Variants in DRD2 observed in about 807,000 individuals in gnomAD.
DRD2 encodes dopamine receptor D2.
Under a neutral mutation model 38.0 loss-of-function variants are expected in DRD2, and 8 were observed. The observed-to-expected ratio is 0.21, with a 90% confidence interval of 0.12 to 0.38. The LOEUF (loss-of-function observed/expected upper bound fraction) is 0.38, where lower values mean the gene tolerates loss of function less well. DRD2 is among the 10% of genes least tolerant of loss of function. DRD2 has a pLI of 1.00. For synonymous variants in DRD2, 230 were observed against 238.6 expected, an observed-to-expected ratio of 0.96 and a Z score of 0.33; for missense variants, 403 against 607.7, an observed-to-expected ratio of 0.66 and a Z score of 3.54.
rs574110983 is a variant in DRD2 at position 113,472,208 on chromosome 11, G to A, written c.-32+2868C>T. 1.5e-3 allele frequency among the ~76,000 whole-genome samples: 229 copies of A among 152,314 alleles called. 1 individual carries two copies. The highest frequency in any genetic ancestry group is 2.5e-3 in the Non-Finnish European group (169 of 68,030). On this transcript the variant is annotated intron_variant, in intron 1 of 7. Transcript: ENST00000362072. ...ACAAACACATACACATACACACAGT[G>A]CTATCTTCACAGCCACACTTTTTTG...
intron 1 of DRD2, among the ~76,000 whole-genome samples, chr11:113,466,726 C>A (rs979681777): frequency 2.0e-5 from 3 of 152,088 alleles, no homozygotes; most frequent in Non-Finnish European, 2.9e-5. Flanking sequence ...TCTCACCTAC[C>A]CATCACTTAT....
intron 1 of DRD2, among the ~76,000 whole-genome samples, chr11:113,456,295 G>C (rs930574338): frequency 1.8e-4 from 28 of 152,106 alleles, no homozygotes; most frequent in Non-Finnish European, 2.9e-4. Flanking sequence ...GCAGAATGAG[G>C]GTTGACTAAG....
intron 7 of DRD2, 116 bp from the exon 8 acceptor site, chr11:113,411,036 G>T: frequency 8.6e-7 from 1 of 1,161,938 alleles, no homozygotes; most frequent in African/African-American, 1.5e-5. Context: ...AGCCACAGAA[G>T]CACTGTAGGA....
chr11:113,433,690 A>G (rs898966476), intron 1 of DRD2, among the ~76,000 whole-genome samples: 2 of 152,122 alleles, frequency 1.3e-5, no homozygotes, highest in African/African-American at 4.8e-5. Flanking sequence ...GCCTGGATGA[A>G]TCTCTCCACT....
chr11:113,467,447 T>C (rs1392644638), intron 1 of DRD2, among the ~76,000 whole-genome samples: 1 of 152,168 alleles, frequency 6.6e-6, no homozygotes, highest in East Asian at 1.9e-4. Flanking sequence ...AAAAACATGA[T>C]AGCATTTGCT....
intron 1 of DRD2, among the ~76,000 whole-genome samples, chr11:113,451,969 C>T (rs1951213673): frequency 6.6e-6 from 1 of 152,152 alleles, no homozygotes; most frequent in African/African-American, 2.4e-5. Context: ...GCTGAGTGAG[C>T]TCCATTGTCC....
rs758347768 is a variant in DRD2 at position 113,463,351 on chromosome 11, C to T, written c.-32+11725G>A. ...GCACACCATCTGTGGCCATTGGGCA[C>T]GGGGTTTGGCATGGTAGGAAGTGGG... On this transcript the variant is annotated intron_variant, in intron 1 of 7. Transcript: ENST00000362072. Among the ~76,000 whole-genome samples, 14 of 152,244 alleles carry T rather than the reference C, an allele frequency of 9.2e-5. No homozygotes were observed. The East Asian group carries it at 2.3e-3, about 25-fold the overall frequency.
chr11:113,417,172 C>T (rs373503912), intron 3 of DRD2, among the ~76,000 whole-genome samples, 173 bp from the exon 4 acceptor site: 172 of 152,304 alleles, frequency 1.1e-3, no homozygotes, highest in Admixed American at 3.7e-3. Flanking sequence ...ACTCAGATGG[C>T]GAGGACAGTT....
intron 7 of DRD2, chr11:113,411,746 A>G (rs1397313582): frequency 2.0e-5 from 3 of 152,320 alleles, no homozygotes; most frequent in African/African-American, 7.2e-5. Context: ...GAGTAGTCCC[A>G]TGGGATCAAG....
chr11:113,450,086 G>A (rs1049123166), intron 1 of DRD2: 1 of 154,678 alleles, frequency 6.5e-6, no homozygotes, highest in African/African-American at 2.4e-5. Flanking sequence ...GGAGGTGGCT[G>A]GTAAACTGGA....
intron 1 of DRD2, among the ~76,000 whole-genome samples, chr11:113,469,607 A>G (rs2120003798): frequency 6.6e-6 from 1 of 152,276 alleles, no homozygotes; most frequent in South Asian, 2.1e-4. Flanking sequence ...ACTCTGAGGC[A>G]GGAGGATCGT....
chr11:113,427,813 G>A (rs1216065805), intron 1 of DRD2, among the ~76,000 whole-genome samples: 2 of 152,160 alleles, frequency 1.3e-5, no homozygotes, highest in Admixed American at 1.3e-4. Flanking sequence ...CTAACCCCCA[G>A]TACCTCAGAA....
intron 2 of DRD2, among the ~76,000 whole-genome samples, chr11:113,422,829 C>T (rs1289714550): frequency 1.3e-5 from 2 of 152,154 alleles, no homozygotes; most frequent in Non-Finnish European, 1.5e-5. Flanking sequence ...CTCACCTGAG[C>T]GTCCTCATCT....
chr11:113,466,134 T>G (rs1030097466), intron 1 of DRD2, among the ~76,000 whole-genome samples: 2 of 152,236 alleles, frequency 1.3e-5, no homozygotes, highest in African/African-American at 4.8e-5. Flanking sequence ...GCCTGGTTTT[T>G]GAGTGCTCTG....
At chr11:113,461,403 A>T (rs1951317568) in intron 1 of DRD2, among the ~76,000 whole-genome samples, 1 of 152,174 alleles carries the variant, frequency 6.6e-6, no homozygotes, top group Non-Finnish European at 1.5e-5. Flanking sequence ...CAATGGCAGG[A>T]GTCAGGAAGC....
At chr11:113,417,760 A>G (rs1281174536) in intron 3 of DRD2, among the ~76,000 whole-genome samples, 1 of 152,224 alleles carries the variant, frequency 6.6e-6, no homozygotes, top group Non-Finnish European at 1.5e-5. Flanking sequence ...TTCCGTCAGA[A>G]TCACAATCTT....
intron 1 of DRD2, among the ~76,000 whole-genome samples, chr11:113,431,065 C>G (rs140309920): frequency 2.4e-3 from 370 of 152,318 alleles, no homozygotes; most frequent in Middle Eastern, 0.01. Flanking sequence ...CAAATGTCAT[C>G]TCCATCTTTC....
Position 113,412,820 on chromosome 11 carries a change from T to C in DRD2, c.874A>G (p.Arg292Gly). The C allele has an allele frequency of 6.2e-7, 1 of 1,613,400 alleles. No individual in the cohort carries two copies. The highest frequency in any genetic ancestry group is 1.1e-5 in the South Asian group (1 of 91,020). ...GGTGGGATGGGGCTGTACCGGGTCC[T>C]CTCGGGTGGGCTGGTGCTGGAGAGC... ...EMLSSTSPPE[R>G]TRYSPIPPSH... Residue 292 changes from arginine (R) to glycine (G), a missense_variant, in exon 7 of 8, where the codon AGG becomes GGG. By Grantham distance (125) the Arg-to-Gly change is moderately radical. Coordinates refer to ENST00000362072, the MANE Select transcript of DRD2 (RefSeq NM_000795.4).
intron 1 of DRD2, among the ~76,000 whole-genome samples, chr11:113,431,734 T>C (rs939203265): frequency 1.3e-5 from 2 of 152,222 alleles, no homozygotes; most frequent in Non-Finnish European, 2.9e-5. Flanking sequence ...ATTAGGTCAG[T>C]TGGGATGTAG....
Sources: gnomAD v4.1 joint callset for allele counts (sites outside exome capture counted in the v4.1 genomes callset) on GRCh38, gnomAD v4.1.1 for gene constraint, MANE v1.5 for transcripts, NCBI Gene and HGNC (gene_info 2026-07-23, HGNC 2026-07-21) for gene names.